TMCO4: variants seen among roughly 807,000 people sequenced by gnomAD.
TMCO4 encodes the protein transmembrane and coiled-coil domains 4, also known as transmembrane and coiled-coil domain-containing protein 4.
A neutral mutation model predicts 64.7 loss-of-function variants in TMCO4; 58 were observed. That is an observed-to-expected ratio of 0.90 (90% confidence interval 0.73 to 1.12). TMCO4 has a LOEUF of 1.12. Among genes scored for constraint, TMCO4 ranks in the 50% most tolerant of loss-of-function variants. The probability of loss-of-function intolerance (pLI) is 0.00; values close to 1 mark genes in which losing one functional copy is unlikely to be tolerated. For synonymous variants in TMCO4, 325 were observed against 346.1 expected (o/e 0.94, Z 0.68); for missense variants, 780 against 825.9 (o/e 0.94, Z 0.68).
In TMCO4 at chr1:19,683,227, A is replaced by G. The variant is rs778831419; in HGVS notation, c.1718T>C (p.Leu573Ser). The G allele has an allele frequency of 6.2e-7, 1 of 1,614,150 alleles. No homozygotes were observed. Among genetic ancestry groups the G allele is most frequent in the East Asian group, 2.2e-5 (1 of 44,852 alleles). The change falls in exon 16 of 16, where the codon TTG (leucine) becomes TCG (serine). Residue 573 changes from leucine to serine, a missense_variant. Leu to Ser is a moderately radical substitution (Grantham distance 145). Transcript: ENST00000294543. ...QGPISGDTSK[L>S]AMSTDPSQAQ... ...TTGGCTGGGGTCTGTGGACATGGCC[A>G]ATTTGGAGGTGTCTCCGGATATGGG...
At chr1:19,793,657 G>A (rs1316251595) in intron 2 of TMCO4, among the ~76,000 whole-genome samples, 4 of 152,284 alleles carry the variant, frequency 2.6e-5, no homozygotes, top group East Asian at 3.9e-4. Flanking sequence ...CACTGCAGAC[G>A]AGAAGAAAAC....
At position 19,755,783 on chromosome 1, in the gene TMCO4, A is replaced by G; in HGVS notation, c.383-17T>C. 2 of 1,613,908 alleles carry G rather than the reference A, an allele frequency of 1.2e-6. No individual in the cohort carries two copies. Among genetic ancestry groups the G allele is most frequent in the Non-Finnish European group, 1.7e-6 (2 of 1,179,928 alleles). ...CATAGTGCCCTCGAAAGACAGAAAC[A>G]ACACCGGAAAAGAATCAGTTTAGGT... On this transcript the variant is annotated splice_polypyrimidine_tract_variant and intron_variant, in intron 6 of 15. Transcript: ENST00000294543.
At chr1:19,749,015 C>G (rs2041915303) in intron 7 of TMCO4, among the ~76,000 whole-genome samples, 1 of 152,178 alleles carries the variant, frequency 6.6e-6, no homozygotes, top group Admixed American at 6.5e-5. Flanking sequence ...TACACAGAAG[C>G]AGAAAGCAAC....
At position 19,791,534 on chromosome 1, in the gene TMCO4, C is replaced by T. The variant is rs2044038486; in HGVS notation, c.-100-4417G>A. ...CTGTGGTGTGGGAATGCGTCACCTGCTGTGTATACTGGTTCTTGGGGGCCT... is the reference window on the plus strand; with the variant it reads ...CTGTGGTGTGGGAATGCGTCACCTGTTGTGTATACTGGTTCTTGGGGGCCT... On this transcript the variant is annotated intron_variant, in intron 2 of 15. Transcript: ENST00000294543. 2.6e-5 allele frequency among the ~76,000 whole-genome samples: 4 copies of T among 152,304 alleles called. No homozygotes were observed. In the South Asian group the frequency reaches 8.3e-4, roughly 32 times the overall value.
At chr1:19,700,699 C>G (rs1570670437) in intron 14 of TMCO4, 69 bp downstream of exon 14, 2 of 1,358,986 alleles carry the variant, frequency 1.5e-6, no homozygotes, top group East Asian at 4.6e-5. Flanking sequence ...GTCCCCAACA[C>G]AGAGCCTGGG....
intron 3 of TMCO4, among the ~76,000 whole-genome samples, chr1:19,786,242 C>G (rs114255841): frequency 0.015 from 2,291 of 152,190 alleles, 63 homozygotes; most frequent in African/African-American, 0.052. Flanking sequence ...GGTGACAGAG[C>G]AAGACCCTGT....
chr1:19,744,888 C>T (rs1374215286), intron 10 of TMCO4, among the ~76,000 whole-genome samples: 1 of 152,138 alleles, frequency 6.6e-6, no homozygotes, highest in Admixed American at 6.5e-5. Flanking sequence ...GGAGTAGAGG[C>T]CATGGCTGTG....
intron 13 of TMCO4, among the ~76,000 whole-genome samples, chr1:19,709,914 G>A (rs369824232): frequency 7.4e-5 from 11 of 148,562 alleles, no homozygotes; most frequent in Non-Finnish European, 1.5e-4. Context: ...TCAGCCTCCC[G>A]AGTAGCTGGG....
intron 2 of TMCO4, among the ~76,000 whole-genome samples, chr1:19,795,210 C>T (rs2044248261): frequency 6.6e-6 from 1 of 152,086 alleles, no homozygotes. Context: ...GTGGCTCACG[C>T]CTGCAATCCC....
chr1:19,768,706 TTTGG>T (rs1197351445), intron 6 of TMCO4, among the ~76,000 whole-genome samples: 1 of 152,160 alleles, frequency 6.6e-6, no homozygotes, highest in African/African-American at 2.4e-5. Flanking sequence ...ATTAAAATAC[TTTGG>T]ATACACTAGG....
At chr1:19,720,655 C>T (rs2095378230) in intron 13 of TMCO4, among the ~76,000 whole-genome samples, 1 of 150,840 alleles carries the variant, frequency 6.6e-6, no homozygotes, top group South Asian at 2.1e-4. Context: ...TAAATAAATA[C>T]GTGTCTAAGA....
intron 13 of TMCO4, among the ~76,000 whole-genome samples, chr1:19,706,482 C>T (rs2095303911): frequency 6.6e-6 from 1 of 152,182 alleles, no homozygotes; most frequent in Non-Finnish European, 1.5e-5. Flanking sequence ...CCCTATATAG[C>T]TTTAGAAATA....
intron 3 of TMCO4, among the ~76,000 whole-genome samples, chr1:19,781,144 C>CAAAAAAAAAAAAA (rs535767635): frequency 1.9e-5 from 1 of 52,606 alleles, no homozygotes. Flanking sequence ...GACTCCATCT[C>CAAAAAAAAAAAAA]AAAAAAAAAA....
chr1:19,776,216 G>A (rs1484605235), intron 4 of TMCO4, among the ~76,000 whole-genome samples: 3 of 152,132 alleles, frequency 2.0e-5, no homozygotes, highest in Non-Finnish European at 4.4e-5. Flanking sequence ...CCAATATTGA[G>A]GTTTTTAAAA....
intron 4 of TMCO4, among the ~76,000 whole-genome samples, chr1:19,779,114 A>T (rs966700644): frequency 6.6e-6 from 1 of 152,220 alleles, no homozygotes; most frequent in Non-Finnish European, 1.5e-5. Flanking sequence ...AAGTTTACTC[A>T]TGGGGGACCA....
intron 15 of TMCO4, among the ~76,000 whole-genome samples, chr1:19,693,998 CTA>C (rs772284654): frequency 2.0e-5 from 3 of 151,974 alleles, no homozygotes; most frequent in Non-Finnish European, 2.9e-5. Context: ...AGTTGTATAT[CTA>C]TGTGTGTTTT....
At chr1:19,756,180 T>C (rs530681776) in intron 6 of TMCO4, among the ~76,000 whole-genome samples, 1 of 152,194 alleles carries the variant, frequency 6.6e-6, no homozygotes, top group Admixed American at 6.5e-5. Flanking sequence ...GCCTAGGAGG[T>C]TGAGGCTGCA....
In TMCO4 at chr1:19,745,395, C is replaced by T. The variant is rs541713970; in HGVS notation, c.877+137G>A. 8.1e-5 allele frequency: 113 copies of T among 1,403,608 alleles called. No homozygotes were observed. In the Middle Eastern group the frequency reaches 1.0e-3, roughly 13 times the overall value. 86.9% of individuals were successfully genotyped at this position (1,403,608 alleles called of 1,614,324 possible). On this transcript the variant is annotated intron_variant, in intron 10 of 15. Coordinates refer to ENST00000294543, the MANE Select transcript of TMCO4 (RefSeq NM_181719.7). ...GATGTGAGATGAAGTTGCCTCACCT[C>T]TCTGAGCCTCAGTTTCTTCCTCTGC...
intron 15 of TMCO4, among the ~76,000 whole-genome samples, chr1:19,692,966 G>A (rs936421922): frequency 1.3e-5 from 2 of 151,036 alleles, no homozygotes; most frequent in African/African-American, 4.9e-5. Flanking sequence ...GAGCTCAGGG[G>A]TTCAAAACCA....
Sources: allele counts gnomAD v4.1 joint callset (sites outside exome capture counted in the v4.1 genomes callset), GRCh38; gene constraint gnomAD v4.1.1; transcripts MANE v1.5; gene names NCBI Gene and HGNC (gene_info 2026-07-23, HGNC 2026-07-21).